PLEKHA7: variants seen among roughly 807,000 people sequenced by gnomAD.
The protein encoded by PLEKHA7 is pleckstrin homology domain containing A7.
PLEKHA7 carries 104 observed loss-of-function variants against 170.0 expected under a neutral mutation model. The ratio of observed to expected loss-of-function variants is 0.61; its 90% CI spans 0.52 to 0.72. The LOEUF (loss-of-function observed/expected upper bound fraction) is 0.72, where lower values mean the gene tolerates loss of function less well. PLEKHA7 is among the 30% of genes least tolerant of loss of function. The pLI is 0.00. For missense variants in PLEKHA7, 1,615 were observed against 1,671.7 expected, an observed-to-expected ratio of 0.97 and a Z score of 0.59; for synonymous variants, 648 against 660.8, an observed-to-expected ratio of 0.98 and a Z score of 0.30.
At chr11:16,892,467 A>G (rs114185185) in intron 3 of PLEKHA7, among the ~76,000 whole-genome samples, 2,254 of 81,548 alleles carry the variant, frequency 0.028, 60 homozygotes, top group African/African-American at 0.068. Context: ...TTGTTTTGAG[A>G]TAAAGTATCA....
intron 3 of PLEKHA7, among the ~76,000 whole-genome samples, chr11:16,902,930 A>C (rs7947282): frequency 0.017 from 2,585 of 152,320 alleles, 84 homozygotes; most frequent in African/African-American, 0.06. Context: ...AAATGCTTTG[A>C]AACAGCTCTT....
chr11:16,997,902 C>T (rs182490246), intron 3 of PLEKHA7, among the ~76,000 whole-genome samples: 9 of 152,306 alleles, frequency 5.9e-5, no homozygotes, highest in East Asian at 5.8e-4. Context: ...GCAGTCTCCA[C>T]GGCACAGCCT....
intron 3 of PLEKHA7, among the ~76,000 whole-genome samples, chr11:16,936,401 CAAAAAAAAAA>C (rs57104068): frequency 0.22 from 15,004 of 68,476 alleles, 1,344 homozygotes; most frequent in South Asian, 0.53. Context: ...GACTCTGTCT[CAAAAAAAAAA>C]AAAAAAAAAA....
chr11:17,013,580 G>T (rs959903319), intron 3 of PLEKHA7, among the ~76,000 whole-genome samples: 3 of 152,132 alleles, frequency 2.0e-5, no homozygotes, highest in Non-Finnish European at 2.9e-5. Context: ...CTCCAACCCC[G>T]CAGGCCCACA....
chr11:16,848,053 G>A (rs1484577677), intron 8 of PLEKHA7, among the ~76,000 whole-genome samples: 1 of 152,132 alleles, frequency 6.6e-6, no homozygotes, highest in East Asian at 1.9e-4. Context: ...TCTACAGTGT[G>A]CTCCCCAGGG....
intron 12 of PLEKHA7, 107 bp from the exon 13 acceptor site, chr11:16,813,273 G>A: frequency 2.1e-6 from 2 of 933,756 alleles, no homozygotes; most frequent in Admixed American, 1.9e-5. Context: ...TGGGAACAAG[G>A]AACCACAGCA....
chr11:16,997,840 C>T (rs993804407), intron 3 of PLEKHA7, among the ~76,000 whole-genome samples: 20 of 152,194 alleles, frequency 1.3e-4, no homozygotes, highest in African/African-American at 4.8e-4. Context: ...CTCACCATGC[C>T]CATGGACTCT....
At chr11:16,816,325 G>T in intron 11 of PLEKHA7, 61 bp from the exon 12 acceptor site, 1 of 1,270,966 alleles carries the variant, frequency 7.9e-7, no homozygotes, top group Non-Finnish European at 1.1e-6. Flanking sequence ...CACTCCCAGG[G>T]AAGCCGCCCC....
chr11:16,817,190 T>C lies in PLEKHA7; in HGVS notation c.1476A>G (p.Pro492=), dbSNP rs202240028. ...GGSSPPPRNL[P]SDYKYAQDRA... is the part of the protein sequence containing the mutation. The stretch of plus-strand genomic sequence containing the variant: ...GGTCCTGCGCATACTTGTAGTCACT[T>C]GGCAGGTTTCGGGGAGGTGGCGAGG... Residue 492 remains proline (P), a synonymous_variant, in exon 11 of 27, where the codon CCA becomes CCG. Transcript: ENST00000531066. This position sits in a 1 kb window ranked among gnomAD's most constrained non-coding sequence, Gnocchi z 4.4. 1 of 1,614,122 alleles carries C rather than the reference T, an allele frequency of 6.2e-7. No individual in the cohort carries two copies. Among genetic ancestry groups the C allele is most frequent in the East Asian group, 2.2e-5 (1 of 44,878 alleles).
intron 8 of PLEKHA7, among the ~76,000 whole-genome samples, chr11:16,849,539 C>T (rs1376187110): frequency 1.1e-4 from 17 of 152,168 alleles, no homozygotes; most frequent in Non-Finnish European, 2.1e-4. Context: ...CCTTCTACCT[C>T]CTGCGATGTC....
At chr11:16,847,341 C>A (rs930458842) in intron 8 of PLEKHA7, among the ~76,000 whole-genome samples, 5 of 152,058 alleles carry the variant, frequency 3.3e-5, no homozygotes, top group Non-Finnish European at 5.9e-5. Flanking sequence ...ATCCGCCCCC[C>A]TCTGCCTCCC....
At chr11:16,880,004 G>A (rs915587610) in intron 3 of PLEKHA7, among the ~76,000 whole-genome samples, 3 of 152,214 alleles carry the variant, frequency 2.0e-5, no homozygotes, top group African/African-American at 7.2e-5. Flanking sequence ...GATCCCAGCA[G>A]CCATGAGAAC....
chr11:16,793,224 T>A (rs1847979437), intron 19 of PLEKHA7, among the ~76,000 whole-genome samples: 1 of 152,214 alleles, frequency 6.6e-6, no homozygotes, highest in African/African-American at 2.4e-5. Flanking sequence ...CTTTTTCCCC[T>A]ACGCCCTGTC....
intron 3 of PLEKHA7, among the ~76,000 whole-genome samples, chr11:16,893,871 T>A (rs1017515916): frequency 1.3e-5 from 2 of 152,150 alleles, no homozygotes; most frequent in African/African-American, 4.8e-5. Flanking sequence ...AAGTTATCCA[T>A]GGAGTGTGAA....
intron 3 of PLEKHA7, among the ~76,000 whole-genome samples, chr11:16,932,551 T>C (rs1483278856): frequency 1.3e-5 from 2 of 152,174 alleles, no homozygotes; most frequent in African/African-American, 4.8e-5. Flanking sequence ...TCCCAAAGTG[T>C]TGGGATTACA....
intron 23 of PLEKHA7, chr11:16,788,540 G>T (rs891865826): frequency 7.7e-5 from 12 of 156,318 alleles, no homozygotes; most frequent in African/African-American, 1.7e-4. Context: ...TGTGGACAGG[G>T]CGCAGCGCCA....
In PLEKHA7 at chr11:16,836,533, G is replaced by T. The variant is rs139969805; in HGVS notation, c.872+5014C>A. Among the ~76,000 whole-genome samples, 18 of 152,358 alleles carry T rather than the reference G, an allele frequency of 1.2e-4. No individual in the cohort carries two copies. In the East Asian group the frequency reaches 2.3e-3, roughly 20 times the overall value. The stretch of plus-strand genomic sequence containing the variant: ...GAGCGAATGAAATGCTACTGTTGGG[G>T]CCACCCACTTACAGAGATGGAGCTT... On this transcript the variant is annotated intron_variant, in intron 9 of 26. Transcript: ENST00000531066.
At chr11:16,807,143 C>G (rs977832847) in intron 13 of PLEKHA7, 5 of 982,842 alleles carry the variant, frequency 5.1e-6, no homozygotes, top group Non-Finnish European at 6.0e-6. Context: ...GATCATCTTA[C>G]GCTTCTCCTG....
intron 9 of PLEKHA7, among the ~76,000 whole-genome samples, chr11:16,839,436 T>C (rs963395740): frequency 1.3e-5 from 2 of 149,334 alleles, no homozygotes; most frequent in African/African-American, 4.9e-5. Context: ...ATTTAATATA[T>C]ATTTAATAAT....
Sources: gnomAD v4.1 joint callset for allele counts (sites outside exome capture counted in the v4.1 genomes callset) on GRCh38, gnomAD v4.1.1 for gene constraint, Gnocchi (gnomAD v3.1) non-coding constraint, MANE v1.5 for transcripts, NCBI Gene and HGNC (gene_info 2026-07-23, HGNC 2026-07-21) for gene names.